FMNL2: variants seen among roughly 807,000 people sequenced by gnomAD.
The protein encoded by FMNL2 is formin-like protein 2.
A neutral mutation model predicts 130.2 loss-of-function variants in FMNL2; 51 were observed. The observed-to-expected ratio is 0.39, with a 90% confidence interval of 0.31 to 0.49. The LOEUF is 0.49. Ranked by LOEUF, FMNL2 falls within the 20% of genes least tolerant of loss-of-function variation. FMNL2 has a pLI of 0.85. For missense variants in FMNL2, 977 were observed against 1,316.2 expected, an observed-to-expected ratio of 0.74 and a Z score of 3.99; for synonymous variants, 465 against 467.1, an observed-to-expected ratio of 1.00 and a Z score of 0.06.
At chr2:152,411,149 G>T (rs181740640) in intron 1 of FMNL2, among the ~76,000 whole-genome samples, 19 of 152,248 alleles carry the variant, frequency 1.2e-4, no homozygotes, top group Admixed American at 1.0e-3. Context: ...CTTTCCTAAG[G>T]GATAGTCAGC....
chr2:152,342,607 A>G (rs1402709220), intron 1 of FMNL2, among the ~76,000 whole-genome samples: 1 of 152,190 alleles, frequency 6.6e-6, no homozygotes, highest in Non-Finnish European at 1.5e-5. Context: ...TCCCTTTAGA[A>G]TTCCATCTGT....
chr2:152,379,461 T>C (rs1486388350), intron 1 of FMNL2, among the ~76,000 whole-genome samples: 1 of 152,212 alleles, frequency 6.6e-6, no homozygotes, highest in Non-Finnish European at 1.5e-5. Flanking sequence ...TGGGCTGCCT[T>C]GATATAGGCC....
chr2:152,355,481 G>A (rs542122720), intron 1 of FMNL2, among the ~76,000 whole-genome samples: 1 of 152,150 alleles, frequency 6.6e-6, no homozygotes, highest in South Asian at 2.1e-4. Context: ...ATTTTTTTAG[G>A]GCTTTAGGTT....
At chr2:152,622,388 G>A (rs1681402498) in intron 15 of FMNL2, 1 of 427,050 alleles carries the variant, frequency 2.3e-6, no homozygotes, top group Non-Finnish European at 4.7e-6. Context: ...AGGCCTGAAT[G>A]GAAATGAATT....
intron 1 of FMNL2, among the ~76,000 whole-genome samples, chr2:152,394,049 G>A (rs531998753): frequency 2.6e-4 from 39 of 152,294 alleles, no homozygotes; most frequent in African/African-American, 8.7e-4. Context: ...GCTGACCCTT[G>A]TAATAGATGA....
At chr2:152,367,318 C>T (rs776919307) in intron 1 of FMNL2, among the ~76,000 whole-genome samples, 3 of 152,020 alleles carry the variant, frequency 2.0e-5, no homozygotes, top group Admixed American at 6.5e-5. Context: ...TCAAGTGATC[C>T]GCCCACCTTA....
At chr2:152,348,346 A>G (rs943785361) in intron 1 of FMNL2, among the ~76,000 whole-genome samples, 1 of 152,176 alleles carries the variant, frequency 6.6e-6, no homozygotes, top group African/African-American at 2.4e-5. Flanking sequence ...GGCTCCTGAA[A>G]GGCAAGGATC....
chr2:152,620,937 T>G, intron 15 of FMNL2: 1 of 985,416 alleles, frequency 1.0e-6, no homozygotes, highest in Non-Finnish European at 1.2e-6. Context: ...CTTCAAGATC[T>G]TCCCCGTCTA....
intron 1 of FMNL2, among the ~76,000 whole-genome samples, chr2:152,507,356 C>T (rs929812627): frequency 7.2e-5 from 11 of 152,230 alleles, no homozygotes; most frequent in African/African-American, 2.7e-4. Flanking sequence ...TTTACCCCTC[C>T]CTTCTTTGAA....
At chr2:152,565,971 C>T (rs886356649) in intron 6 of FMNL2, among the ~76,000 whole-genome samples, 4 of 152,042 alleles carry the variant, frequency 2.6e-5, no homozygotes, top group Middle Eastern at 3.2e-3. Context: ...TGTAGAGAGA[C>T]GGTCTCACTA....
intron 1 of FMNL2, among the ~76,000 whole-genome samples, chr2:152,478,239 TATATA>T (rs1180263803): frequency 1.1e-4 from 4 of 36,868 alleles, no homozygotes; most frequent in East Asian, 1.2e-3. Context: ...CATATATATA[TATATA>T]TATATATTTT....
intron 1 of FMNL2, among the ~76,000 whole-genome samples, chr2:152,455,802 C>T (rs1475357534): frequency 6.6e-6 from 1 of 152,318 alleles, no homozygotes. Flanking sequence ...GCAACCTTGA[C>T]CTCCTGGGCC....
intron 18 of FMNL2, 143 bp from the exon 19 acceptor site, chr2:152,629,513 T>TTAGAAAAAGTAGACTCTCACCATGAAGCC: frequency 2.8e-6 from 2 of 702,396 alleles, no homozygotes. Context: ...TTTGTTATAC[T>TTAGAAAAAGTAGACTCTCACCATGAAGCC]TAGAAAAAGT....
intron 23 of FMNL2, 122 bp from the exon 24 acceptor site, chr2:152,639,836 T>TTGGC: frequency 1.7e-6 from 1 of 591,690 alleles, no homozygotes; most frequent in Non-Finnish European, 2.5e-6. Context: ...GTGTAGATCT[T>TTGGC]CTCAACCTTC....
At chr2:152,514,694 T>C (rs1692664614) in intron 1 of FMNL2, among the ~76,000 whole-genome samples, 1 of 152,144 alleles carries the variant, frequency 6.6e-6, no homozygotes, top group Admixed American at 6.5e-5. Context: ...AAATTAGCAA[T>C]AAGTAATCAT....
chr2:152,397,870 T>C (rs1685485036), intron 1 of FMNL2, among the ~76,000 whole-genome samples: 2 of 152,210 alleles, frequency 1.3e-5, no homozygotes, highest in South Asian at 4.1e-4. Context: ...ACACCTGTAA[T>C]CCCAGCACCT....
chr2:152,509,763 T>TTTTTTGG (rs1198654296), intron 1 of FMNL2, among the ~76,000 whole-genome samples: 1 of 144,654 alleles, frequency 6.9e-6, no homozygotes, highest in Admixed American at 7.0e-5. Context: ...TTTTTTTTTT[T>TTTTTTGG]GAGAGAGGGT....
In FMNL2 at chr2:152,581,047, GA is replaced by G; in HGVS notation, c.875del (p.Glu292GlyfsTer12). The G allele has an allele frequency of 6.2e-7, 1 of 1,613,438 alleles. No individual in the cohort carries two copies. Among genetic ancestry groups the G allele is most frequent in the Non-Finnish European group, 8.5e-7 (1 of 1,179,544 alleles). ...IILSAFDNFKEVCGEKQRFEK... is the reference protein window; with the variant it reads ...IILSAFDNFKXVCGEKQRFEK... ...TTTATCAGCATTTGATAACTTTAAA[GA>G]GGTAGGCTACACTATAGTTTTCATA... is the stretch of plus-strand genomic sequence containing the variant. On this transcript the variant is annotated frameshift_variant and splice_region_variant, in exon 9 of 26. Transcript: ENST00000288670. LOFTEE classifies it high-confidence loss of function.
At chr2:152,376,934 G>A (rs1326726764) in intron 1 of FMNL2, among the ~76,000 whole-genome samples, 1 of 152,198 alleles carries the variant, frequency 6.6e-6, no homozygotes, top group African/African-American at 2.4e-5. Context: ...AAACTCTGAG[G>A]ATTAGAGGAC....
Sources: gnomAD v4.1 joint callset for allele counts (sites outside exome capture counted in the v4.1 genomes callset) on GRCh38, gnomAD v4.1.1 for gene constraint, MANE v1.5 for transcripts, NCBI Gene and HGNC (gene_info 2026-07-23, HGNC 2026-07-21) for gene names.